OR4K5: variants seen among roughly 807,000 people sequenced by gnomAD.
OR4K5 encodes olfactory receptor family 4 subfamily K member 5.
For synonymous variants in OR4K5, 187 were observed against 142.2 expected (o/e 1.31, Z -2.24); for missense variants, 520 against 377.1 (o/e 1.38, Z -3.14).
In OR4K5 at chr14:19,920,802, C is replaced by T; in HGVS notation, c.196C>T (p.Leu66Phe). 6.2e-7 allele frequency: 1 copy of T among 1,614,170 alleles called. No individual in the cohort carries two copies. The highest frequency in any genetic ancestry group is 8.5e-7 in the Non-Finnish European group (1 of 1,179,992). The change falls in exon 1 of 1, where the codon CTT (leucine) becomes TTT (phenylalanine). Residue 66 changes from leucine to phenylalanine, a missense_variant. Coordinates refer to ENST00000315915, the MANE Select transcript of OR4K5 (RefSeq NM_001005483.1). ...HSPMYFLLGN[L>F]SFVDICQASF... ...CCCTATGTACTTTCTCTTGGGAAACCTTTCCTTTGTTGACATTTGTCAGGC... is the reference window on the plus strand; with the variant it reads ...CCCTATGTACTTTCTCTTGGGAAACTTTTCCTTTGTTGACATTTGTCAGGC...
Position 19,920,611 on chromosome 14 carries a change from A to C in OR4K5, c.5A>C (p.Asp2Ala). ...ACAAGTTTGCAGCTTGGAACCATGG[A>C]TAAGTCCAATTCTTCAGTGGTGTCT... M[D>A]KSNSSVVSEF... is the part of the protein sequence containing the mutation. The change falls in exon 1 of 1, where the codon GAT (aspartate) becomes GCT (alanine). Residue 2 changes from aspartate (D) to alanine (A), a missense_variant. Physicochemically the swap from Asp to Ala is moderately radical, Grantham distance 126. Transcript: ENST00000315915. The C allele has an allele frequency of 6.2e-7, 1 of 1,601,856 alleles. No individual in the cohort carries two copies. The highest frequency in any genetic ancestry group is 8.5e-7 in the Non-Finnish European group (1 of 1,174,944).
chr14:19,921,390 T>C lies in OR4K5; in HGVS notation c.784T>C (p.Phe262Leu), dbSNP rs1179670452. The stretch of plus-strand genomic sequence containing the variant: ...TTGCATCTTCATCTATGTGTGGCCC[T>C]TTACCATCTCTCCTTTGGATAAATT... ...GPCIFIYVWPFTISPLDKFLA... is the reference protein window; with the variant it reads ...GPCIFIYVWPLTISPLDKFLA... Residue 262 changes from phenylalanine to leucine, a missense_variant, in exon 1 of 1, where the codon TTT becomes CTT. Phe to Leu is a conservative substitution (Grantham distance 22, BLOSUM62 0). Transcript: ENST00000315915. The C allele has an allele frequency of 2.5e-6, 4 of 1,613,914 alleles. No individual in the cohort carries two copies. The highest frequency in any genetic ancestry group is 4.5e-5 in the East Asian group (2 of 44,896).
rs1200618451 is a variant in OR4K5 at position 19,921,011 on chromosome 14, C to A, written c.405C>A (p.Ile135=). The A allele has an allele frequency of 6.2e-7, 1 of 1,614,072 alleles. No homozygotes were observed. Among genetic ancestry groups the A allele is most frequent in the African/African-American group, 1.3e-5 (1 of 74,948 alleles). ...AICKPLYYVV[I]MSRRTCTVLV... is the part of the protein sequence containing the mutation. ...GCAAACCCTTATACTATGTGGTCAT[C>A]ATGAGCCGAAGGACATGCACTGTCT... Residue 135 remains isoleucine, a synonymous_variant, in exon 1 of 1, where the codon ATC becomes ATA. Coordinates refer to ENST00000315915, the MANE Select transcript of OR4K5 (RefSeq NM_001005483.1).
In OR4K5 at chr14:19,920,882, A is replaced by G; in HGVS notation, c.276A>G (p.Ile92Met). 1.2e-6 allele frequency: 2 copies of G among 1,614,192 alleles called. No individual in the cohort carries two copies. The highest frequency in any genetic ancestry group is 1.7e-6 in the Non-Finnish European group (2 of 1,180,000). The change falls in exon 1 of 1, where the codon ATA (isoleucine) becomes ATG (methionine). Residue 92 changes from isoleucine (I) to methionine (M), a missense_variant. Coordinates refer to ENST00000315915, the MANE Select transcript of OR4K5 (RefSeq NM_001005483.1). ...IADFLSAHET[I>M]SFSGCIAQIF... Reference sequence around the variant, plus strand: ...ATTTTCTGAGTGCACACGAGACCATATCTTTCAGTGGCTGCATAGCCCAAA... The same window carrying G: ...ATTTTCTGAGTGCACACGAGACCATGTCTTTCAGTGGCTGCATAGCCCAAA...
At position 19,920,627 on chromosome 14, in the gene OR4K5, A is replaced by G; in HGVS notation, c.21A>G (p.Ser7=). 2 of 1,610,200 alleles carry G rather than the reference A, an allele frequency of 1.2e-6. No individual in the cohort carries two copies. Among genetic ancestry groups the G allele is most frequent in the Non-Finnish European group, 8.5e-7 (1 of 1,178,480 alleles). The part of the protein sequence containing the change: MDKSNS[S]VVSEFVLLGL... The stretch of plus-strand genomic sequence containing the variant: ...GAACCATGGATAAGTCCAATTCTTC[A>G]GTGGTGTCTGAATTTGTACTGTTGG... The change falls in exon 1 of 1, where the codon TCA becomes TCG. Residue 7 remains serine (S), a synonymous_variant. Coordinates refer to ENST00000315915, the MANE Select transcript of OR4K5 (RefSeq NM_001005483.1).
rs754760220 is a variant in OR4K5, at chr14:19,920,757, TCTGATACCAGC to T, written c.155_165del (p.Asp52AlafsTer15). On this transcript the variant is annotated frameshift_variant, in exon 1 of 1. Transcript: ENST00000315915. LOFTEE classifies it low-confidence loss of function (END_TRUNC). ...TCTTCTCATTATCCTCACAGTGACT[TCTGATACCAGC>T]CTGCACTCCCCTATGTACTTTCTCT... The T allele has an allele frequency of 6.2e-7, 1 of 1,614,176 alleles. No individual in the cohort carries two copies. The highest frequency in any genetic ancestry group is 1.1e-5 in the South Asian group (1 of 91,092).
At position 19,920,655 on chromosome 14, in the gene OR4K5, C is replaced by T. The variant is rs1217497241; in HGVS notation, c.49C>T (p.Leu17Phe). Residue 17 changes from leucine (L) to phenylalanine (F), a missense_variant, in exon 1 of 1, where the codon CTC (leucine) becomes TTC (phenylalanine). By Grantham distance (22) the Leu-to-Phe change is conservative. Transcript: ENST00000315915. ...GGTGTCTGAATTTGTACTGTTGGGA[C>T]TCTGTAGTTCTCAAAAACTCCAGCT... ...SVVSEFVLLGLCSSQKLQLFY... is the reference protein window; with the variant it reads ...SVVSEFVLLGFCSSQKLQLFY... The T allele has an allele frequency of 1.2e-6, 2 of 1,613,748 alleles. No individual in the cohort carries two copies. Among genetic ancestry groups the T allele is most frequent in the Non-Finnish European group, 1.7e-6 (2 of 1,179,756 alleles).
rs780503255 is a variant in OR4K5 at position 19,921,003 on chromosome 14, G to A, written c.397G>A (p.Val133Met). 9 of 1,614,186 alleles carry A rather than the reference G, an allele frequency of 5.6e-6. No individual in the cohort carries two copies. The Admixed American group carries it at 1.2e-4, about 21-fold the overall frequency. The change falls in exon 1 of 1, where the codon GTG becomes ATG. Residue 133 changes from valine (V) to methionine (M), a missense_variant. Transcript: ENST00000315915. ...YVAICKPLYY[V>M]VIMSRRTCTV... ...AGCCATATGCAAACCCTTATACTAT[G>A]TGGTCATCATGAGCCGAAGGACATG...
At position 19,920,751 on chromosome 14, in the gene OR4K5, G is replaced by A. The variant is rs201049979; in HGVS notation, c.145G>A (p.Val49Met). 135 of 1,614,118 alleles carry A rather than the reference G, an allele frequency of 8.4e-5. No homozygotes were observed. In the East Asian group the frequency reaches 2.7e-3, roughly 33 times the overall value. Residue 49 changes from valine to methionine, a missense_variant, in exon 1 of 1, where the codon GTG (valine) becomes ATG (methionine). Physicochemically the swap from Val to Met is conservative, Grantham distance 21 (BLOSUM62 1). Coordinates refer to ENST00000315915, the MANE Select transcript of OR4K5 (RefSeq NM_001005483.1). Reference protein sequence around the residue: ...VLGNLLIILTVTSDTSLHSPM... With the variant: ...VLGNLLIILTMTSDTSLHSPM... Reference sequence around the variant, plus strand: ...GGGAAATCTTCTCATTATCCTCACAGTGACTTCTGATACCAGCCTGCACTC... The same window carrying A: ...GGGAAATCTTCTCATTATCCTCACAATGACTTCTGATACCAGCCTGCACTC...
Position 19,921,030 on chromosome 14 carries a change from ACT to A in OR4K5, c.425_426del (p.Thr142SerfsTer30), listed in dbSNP as rs752623699. On this transcript the variant is annotated frameshift_variant, in exon 1 of 1. Transcript: ENST00000315915. LOFTEE classifies it low-confidence loss of function (END_TRUNC). ...YVVIMSRRTC[T>X]VLVMISWAVS... ...GGTCATCATGAGCCGAAGGACATGCACTGTCTTGGTAATGATCTCCTGGGCTG... is the reference window on the plus strand; with the variant it reads ...GGTCATCATGAGCCGAAGGACATGCAGTCTTGGTAATGATCTCCTGGGCTG... 6 of 1,614,074 alleles carry A rather than the reference ACT, an allele frequency of 3.7e-6. No homozygotes were observed. The Admixed American group carries it at 8.3e-5, about 22-fold the overall frequency.
Position 19,920,727 on chromosome 14 carries a change from G to C in OR4K5, c.121G>C (p.Gly41Arg). Residue 41 changes from glycine to arginine, a missense_variant, in exon 1 of 1, where the codon GGA becomes CGA. By Grantham distance (125) the Gly-to-Arg change is moderately radical. Transcript: ENST00000315915. Reference protein sequence around the residue: ...FSVLYTVIVLGNLLIILTVTS... With the variant: ...FSVLYTVIVLRNLLIILTVTS... ...TGTGTTGTATACAGTCATTGTGCTGGGAAATCTTCTCATTATCCTCACAGT... is the reference window on the plus strand; with the variant it reads ...TGTGTTGTATACAGTCATTGTGCTGCGAAATCTTCTCATTATCCTCACAGT... 1 of 1,614,074 alleles carries C rather than the reference G, an allele frequency of 6.2e-7. No individual in the cohort carries two copies. The highest frequency in any genetic ancestry group is 8.5e-7 in the Non-Finnish European group (1 of 1,179,968).
Position 19,921,213 on chromosome 14 carries a change from A to G in OR4K5, c.607A>G (p.Ser203Gly), listed in dbSNP as rs1881931362. 3 of 1,614,184 alleles carry G rather than the reference A, an allele frequency of 1.9e-6. No individual in the cohort carries two copies. The highest frequency in any genetic ancestry group is 2.5e-6 in the Non-Finnish European group (3 of 1,180,000). The change falls in exon 1 of 1, where the codon AGT (serine) becomes GGT (glycine). Residue 203 changes from serine (S) to glycine (G), a missense_variant. Coordinates refer to ENST00000315915, the MANE Select transcript of OR4K5 (RefSeq NM_001005483.1). ...CATTGAAATACTAATTGTGGTCAAT[A>G]GTGGAATTCTTTCCCTAAGCACTTT... The part of the protein sequence containing the change: ...YIIEILIVVN[S>G]GILSLSTFSL...
Position 19,921,133 on chromosome 14 carries a change from G to T in OR4K5, c.527G>T (p.Ser176Ile), listed in dbSNP as rs750588543. The T allele has an allele frequency of 5.0e-6, 8 of 1,614,040 alleles. No homozygotes were observed. The highest frequency in any genetic ancestry group is 6.8e-6 in the Non-Finnish European group (8 of 1,180,006). Reference protein sequence around the residue: ...LPFCGPNVVDSFFCDLPRVTK... With the variant: ...LPFCGPNVVDIFFCDLPRVTK... ...TTTTGTGGACCTAATGTAGTAGACA[G>T]CTTTTTTTGTGATCTTCCTCGAGTC... The change falls in exon 1 of 1, where the codon AGC (serine) becomes ATC (isoleucine). Residue 176 changes from serine to isoleucine, a missense_variant. Ser to Ile is a moderately radical substitution (Grantham distance 142). Transcript: ENST00000315915.
At position 19,921,539 on chromosome 14, in the gene OR4K5, T is replaced by C; in HGVS notation, c.933T>C (p.Ile311=). The C allele has an allele frequency of 6.2e-7, 1 of 1,613,642 alleles. No individual in the cohort carries two copies. ...IVNHYLRPRR[I]SEMSLVVRTS... ...ACCATTACCTGAGGCCAAGGAGAAT[T>C]TCTGAAATGTCACTAGTAGTGAGAA... Residue 311 remains isoleucine (I), a synonymous_variant, in exon 1 of 1, where the codon ATT becomes ATC. Coordinates refer to ENST00000315915, the MANE Select transcript of OR4K5 (RefSeq NM_001005483.1).
Position 19,920,717 on chromosome 14 carries a change from C to T in OR4K5, c.111C>T (p.Val37=), listed in dbSNP as rs761938703. 8 of 1,614,090 alleles carry T rather than the reference C, an allele frequency of 5.0e-6. 1 individual carries two copies. The South Asian group carries it at 8.8e-5, about 18-fold the overall frequency. ...YFCFFSVLYT[V]IVLGNLLIIL... is the part of the protein sequence containing the mutation. ...GTTTCTTCTCTGTGTTGTATACAGT[C>T]ATTGTGCTGGGAAATCTTCTCATTA... Residue 37 remains valine (V), a synonymous_variant, in exon 1 of 1, where the codon GTC becomes GTT. Transcript: ENST00000315915.
chr14:19,921,038 G>T lies in OR4K5; in HGVS notation c.432G>T (p.Leu144Phe), dbSNP rs771737013. 6.2e-7 allele frequency: 1 copy of T among 1,614,058 alleles called. No individual in the cohort carries two copies. Among genetic ancestry groups the T allele is most frequent in the African/African-American group, 1.3e-5 (1 of 74,948 alleles). ...TGAGCCGAAGGACATGCACTGTCTT[G>T]GTAATGATCTCCTGGGCTGTGAGCT... ...VIMSRRTCTV[L>F]VMISWAVSLV... is the part of the protein sequence containing the mutation. Residue 144 changes from leucine (L) to phenylalanine (F), a missense_variant, in exon 1 of 1, where the codon TTG (leucine) becomes TTT (phenylalanine). Physicochemically the swap from Leu to Phe is conservative, Grantham distance 22. Transcript: ENST00000315915.
At position 19,920,993 on chromosome 14, in the gene OR4K5, C is replaced by G. The variant is rs745996531; in HGVS notation, c.387C>G (p.Pro129=). 6.2e-7 allele frequency: 1 copy of G among 1,614,024 alleles called. No homozygotes were observed. The highest frequency in any genetic ancestry group is 8.5e-7 in the Non-Finnish European group (1 of 1,180,004). ...AYDRYVAICK[P]LYYVVIMSRR... Reference sequence around the variant, plus strand: ...ACAGGTATGTAGCCATATGCAAACCCTTATACTATGTGGTCATCATGAGCC... The same window carrying G: ...ACAGGTATGTAGCCATATGCAAACCGTTATACTATGTGGTCATCATGAGCC... Residue 129 remains proline (P), a synonymous_variant, in exon 1 of 1, where the codon CCC becomes CCG. Coordinates refer to ENST00000315915, the MANE Select transcript of OR4K5 (RefSeq NM_001005483.1).
At position 19,921,103 on chromosome 14, in the gene OR4K5, T is replaced by TAATGTAAA; in HGVS notation, c.497_498insAATGTAAA (p.Pro167MetfsTer2). On this transcript the variant is annotated stop_gained and frameshift_variant, in exon 1 of 1. Coordinates refer to ENST00000315915, the MANE Select transcript of OR4K5 (RefSeq NM_001005483.1). LOFTEE classifies it low-confidence loss of function (END_TRUNC). ...AGCCAGTTATCATTTACTGTGAACC[T>TAATGTAAA]GCCTTTTTGTGGACCTAATGTAGTA... The TAATGTAAA allele has an allele frequency of 6.2e-7, 1 of 1,614,204 alleles. No individual in the cohort carries two copies. Among genetic ancestry groups the TAATGTAAA allele is most frequent in the Non-Finnish European group, 8.5e-7 (1 of 1,179,994 alleles).
Position 19,920,687 on chromosome 14 carries a change from T to A in OR4K5, c.81T>A (p.Tyr27Ter). 1 of 1,614,080 alleles carries A rather than the reference T, an allele frequency of 6.2e-7. No homozygotes were observed. The highest frequency in any genetic ancestry group is 1.1e-5 in the South Asian group (1 of 91,068). The part of the protein sequence containing the change: ...LCSSQKLQLF[Y>*]FCFFSVLYTV... ...GTTCTCAAAAACTCCAGCTTTTCTA[T>A]TTTTGTTTCTTCTCTGTGTTGTATA... The change falls in exon 1 of 1, where the codon TAT (tyrosine) becomes TAA (stop). Residue 27 changes from tyrosine (Y) to a stop codon, truncating the protein, a stop_gained. Transcript: ENST00000315915. LOFTEE classifies it low-confidence loss of function (END_TRUNC).
Sources: allele counts gnomAD v4.1 joint callset, GRCh38; gene constraint gnomAD v4.1.1; transcripts MANE v1.5; gene names NCBI Gene and HGNC (gene_info 2026-07-23, HGNC 2026-07-21).